Variants in VWA3B observed in about 807,000 individuals in gnomAD.
VWA3B encodes the protein von Willebrand factor A domain-containing protein 3B.
In VWA3B, 138 loss-of-function variants were observed where a neutral mutation model predicts 158.3. The ratio of observed to expected loss-of-function variants is 0.87; its 90% CI spans 0.76 to 1.00. The LOEUF (loss-of-function observed/expected upper bound fraction) is 1.00. Among genes scored for constraint, VWA3B ranks in the 50% least tolerant of loss-of-function variants. The pLI, the probability that VWA3B is intolerant of heterozygous loss-of-function variation, is 0.00. For synonymous variants in VWA3B, 596 were observed against 587.3 expected (o/e 1.01, Z -0.21); for missense variants, 1,555 against 1,565.1 (o/e 0.99, Z 0.11).
At chr2:98,322,572 T>C in the VWA3B span, among the ~76,000 whole-genome samples, 1 of 152,360 alleles carries the variant, frequency 6.6e-6, no homozygotes, top group South Asian at 2.1e-4. Context: ...AGGAATCTAC[T>C]GTTCAGAAAC....
chr2:98,202,617 T>A (rs1455424150), intron 12 of VWA3B, among the ~76,000 whole-genome samples: 1 of 152,158 alleles, frequency 6.6e-6, no homozygotes, highest in Non-Finnish European at 1.5e-5. Context: ...CCCCAGCTAC[T>A]GCTTTAGCTG....
At chr2:98,138,697 G>A (rs1035076339) in intron 7 of VWA3B, among the ~76,000 whole-genome samples, 12 of 152,212 alleles carry the variant, frequency 7.9e-5, no homozygotes, top group African/African-American at 2.7e-4. Flanking sequence ...GCTGGCCTGC[G>A]CTGGGCTCCC....
intron 24 of VWA3B, among the ~76,000 whole-genome samples, chr2:98,298,863 C>G (rs896838989): frequency 6.6e-6 from 1 of 152,216 alleles, no homozygotes; most frequent in Non-Finnish European, 1.5e-5. Flanking sequence ...TACCCCTTAT[C>G]TGGATGAAGG....
intron 7 of VWA3B, among the ~76,000 whole-genome samples, chr2:98,142,715 C>T (rs962172367): frequency 1.3e-5 from 2 of 152,146 alleles, no homozygotes; most frequent in Non-Finnish European, 2.9e-5. Context: ...GAGGTGGAGA[C>T]CACTGAGATA....
chr2:98,113,053 A>G (rs766220450), intron 2 of VWA3B, among the ~76,000 whole-genome samples: 6 of 151,512 alleles, frequency 4.0e-5, no homozygotes, highest in Non-Finnish European at 8.8e-5. Context: ...AACATTATAT[A>G]TATATATAAT....
chr2:98,204,828 G>A (rs896767257), intron 12 of VWA3B, among the ~76,000 whole-genome samples: 1 of 152,118 alleles, frequency 6.6e-6, no homozygotes, highest in African/African-American at 2.4e-5. Flanking sequence ...TCTCTAGTGC[G>A]GCCAGGCACG....
At chr2:98,323,130 C>T in the VWA3B span, among the ~76,000 whole-genome samples, 2 of 152,076 alleles carry the variant, frequency 1.3e-5, no homozygotes, top group Non-Finnish European at 2.9e-5. Context: ...AAAAGACAAA[C>T]ATTCAATAAA....
chr2:98,210,274 A>T (rs769333043), intron 12 of VWA3B, among the ~76,000 whole-genome samples: 1 of 152,098 alleles, frequency 6.6e-6, no homozygotes, highest in Non-Finnish European at 1.5e-5. Flanking sequence ...CTCATCCTTT[A>T]AGAGTCTTCC....
intron 9 of VWA3B, among the ~76,000 whole-genome samples, chr2:98,187,291 A>G (rs1681154217): frequency 2.0e-5 from 3 of 152,102 alleles, no homozygotes; most frequent in South Asian, 2.1e-4. Context: ...TGTGAGCTCC[A>G]TGAAGGCAGG....
At chr2:98,140,543 G>A (rs548024955) in intron 7 of VWA3B, among the ~76,000 whole-genome samples, 2 of 152,198 alleles carry the variant, frequency 1.3e-5, no homozygotes, top group Admixed American at 6.5e-5. Context: ...TTCCGTTAAG[G>A]AGGCAGCACC....
intron 20 of VWA3B, among the ~76,000 whole-genome samples, chr2:98,254,579 T>G (rs1321801253): frequency 1.3e-5 from 2 of 152,192 alleles, no homozygotes; most frequent in Non-Finnish European, 2.9e-5. Flanking sequence ...AGCTGACTTA[T>G]TTCCCTCTTC....
At chr2:98,117,970 C>T (rs1055457300) in intron 3 of VWA3B, among the ~76,000 whole-genome samples, 2 of 152,102 alleles carry the variant, frequency 1.3e-5, no homozygotes, top group African/African-American at 2.4e-5. Flanking sequence ...CTCCTGACCT[C>T]GGGTGATTCA....
At chr2:98,306,027 C>A (rs1690505058) in intron 26 of VWA3B, among the ~76,000 whole-genome samples, 1 of 152,136 alleles carries the variant, frequency 6.6e-6, no homozygotes, top group Non-Finnish European at 1.5e-5. Flanking sequence ...GCATGCTAAC[C>A]ACACTAAGCT....
Position 98,128,394 on chromosome 2 carries a change from C to T in VWA3B, c.858C>T (p.Ala286=). 3.1e-6 allele frequency: 5 copies of T among 1,613,414 alleles called. No homozygotes were observed. The highest frequency in any genetic ancestry group is 4.2e-6 in the Non-Finnish European group (5 of 1,179,710). Residue 286 remains alanine (A), a synonymous_variant, in exon 6 of 28, where the codon GCC becomes GCT. Coordinates refer to ENST00000477737, the MANE Select transcript of VWA3B (RefSeq NM_144992.5). ...GTIAFLKDLS[A]KTHSRFHAFA... is the part of the protein sequence containing the mutation. The stretch of plus-strand genomic sequence containing the variant: ...TAGCTTTTCTAAAGGATCTGAGTGC[C>T]AAGACCCACAGCAGGTAGGCAGAAA...
At chr2:98,202,653 A>G (rs899108892) in intron 12 of VWA3B, among the ~76,000 whole-genome samples, 1 of 152,000 alleles carries the variant, frequency 6.6e-6, no homozygotes, top group Non-Finnish European at 1.5e-5. Context: ...TTTTATAACT[A>G]TTTTTGTTCA....
the VWA3B span, among the ~76,000 whole-genome samples, chr2:98,319,440 A>G: frequency 6.6e-6 from 1 of 152,300 alleles, no homozygotes; most frequent in East Asian, 1.9e-4. Context: ...AATACAAAGA[A>G]CTCTTTAAAA....
chr2:98,131,025 T>G (rs935319208), intron 6 of VWA3B, among the ~76,000 whole-genome samples: 1 of 152,170 alleles, frequency 6.6e-6, no homozygotes, highest in African/African-American at 2.4e-5. Context: ...TAGAGCCTAC[T>G]CCTTCTATCT....
At chr2:98,104,528 G>T (rs551269118) in intron 2 of VWA3B, among the ~76,000 whole-genome samples, 2 of 152,130 alleles carry the variant, frequency 1.3e-5, no homozygotes, top group African/African-American at 4.8e-5. Flanking sequence ...GGGATCTGTC[G>T]CCGTGATCCA....
intron 21 of VWA3B, among the ~76,000 whole-genome samples, chr2:98,259,900 C>T (rs1395832974): frequency 6.6e-6 from 1 of 151,738 alleles, no homozygotes; most frequent in Non-Finnish European, 1.5e-5. Flanking sequence ...ACTGGCTTTG[C>T]TGCACCCATA....
Sources: allele counts gnomAD v4.1 joint callset (sites outside exome capture counted in the v4.1 genomes callset), GRCh38; gene constraint gnomAD v4.1.1; transcripts MANE v1.5; gene names NCBI Gene and HGNC (gene_info 2026-07-23, HGNC 2026-07-21).